ALK: variants seen among roughly 807,000 people sequenced by gnomAD.
ALK encodes the protein ALK tyrosine kinase receptor.
ALK carries 74 observed loss-of-function variants against 163.1 expected under a neutral mutation model. The ratio of observed to expected loss-of-function variants is 0.45; its 90% confidence interval spans 0.38 to 0.55. The LOEUF (loss-of-function observed/expected upper bound fraction) is 0.55, where lower values mean the gene tolerates loss of function less well. Ranked by LOEUF, ALK falls within the 20% of genes least tolerant of loss-of-function variation. The pLI is 0.00. For synonymous variants in ALK, 960 were observed against 843.2 expected, an observed-to-expected ratio of 1.14 and a Z score of -2.40; for missense variants, 2,063 against 2,105.3, an observed-to-expected ratio of 0.98 and a Z score of 0.39.
intron 1 of ALK, among the ~76,000 whole-genome samples, chr2:29,896,442 G>C (rs1438351200): frequency 6.6e-6 from 1 of 152,060 alleles, no homozygotes. Context: ...GGTTAAATGA[G>C]GTCAATAAGG....
rs1360526039 is a variant in ALK, at chr2:29,256,806, G to A, written c.2042-5539C>T. Among the ~76,000 whole-genome samples the A allele has an allele frequency of 2.6e-5, 4 of 152,144 alleles. No homozygotes were observed. The East Asian group carries it at 7.7e-4, about 29-fold the overall frequency. ...GGCCCCCGCAGTCGCTTAGCCTAGT[G>A]GAGCATGGGCTGTGCAGGATCAAAG... On this transcript the variant is annotated intron_variant, in intron 11 of 28. Transcript: ENST00000389048.
chr2:29,827,314 G>A (rs1665230091), intron 1 of ALK, among the ~76,000 whole-genome samples: 1 of 152,122 alleles, frequency 6.6e-6, no homozygotes, highest in Admixed American at 6.5e-5. Flanking sequence ...TCTAATTTGT[G>A]GCCCACTGTC....
At chr2:29,366,457 T>C (rs988386965) in intron 5 of ALK, among the ~76,000 whole-genome samples, 19 of 151,748 alleles carry the variant, frequency 1.3e-4, no homozygotes, top group African/African-American at 4.4e-4. Flanking sequence ...CAGAGAAGCA[T>C]AGGAGAGCTT....
intron 5 of ALK, among the ~76,000 whole-genome samples, chr2:29,380,883 AG>A (rs369333800): frequency 9.7e-4 from 148 of 152,320 alleles, no homozygotes; most frequent in African/African-American, 3.5e-3. Flanking sequence ...TTTGGTGGGA[AG>A]GGGAAGACAC....
intron 4 of ALK, among the ~76,000 whole-genome samples, chr2:29,504,818 C>T (rs758605427): frequency 2.0e-5 from 3 of 152,138 alleles, no homozygotes; most frequent in Non-Finnish European, 4.4e-5. Flanking sequence ...TTAGGTTGGT[C>T]CAAATGTTAT....
intron 1 of ALK, among the ~76,000 whole-genome samples, chr2:29,766,326 G>T (rs1196358817): frequency 6.6e-6 from 1 of 152,152 alleles, no homozygotes; most frequent in African/African-American, 2.4e-5. Flanking sequence ...CCTTCAGGCT[G>T]CTTAGGATCT....
chr2:29,909,660 C>T (rs896750509), intron 1 of ALK, among the ~76,000 whole-genome samples: 1 of 152,198 alleles, frequency 6.6e-6, no homozygotes, highest in African/African-American at 2.4e-5. Context: ...GTAAGCCAAA[C>T]AATTTCTACA....
chr2:29,590,983 A>C (rs12998434), intron 3 of ALK, among the ~76,000 whole-genome samples: 56,821 of 147,850 alleles, frequency 0.38, 12,274 homozygotes, highest in East Asian at 0.53. Context: ...AGGCAGGAGA[A>C]TGGCATGAAC....
chr2:29,809,202 C>T (rs979706372), intron 1 of ALK, among the ~76,000 whole-genome samples: 2 of 152,232 alleles, frequency 1.3e-5, no homozygotes, highest in African/African-American at 4.8e-5. Flanking sequence ...CACACAAGTA[C>T]ATTTCCATTT....
intron 3 of ALK, among the ~76,000 whole-genome samples, chr2:29,536,365 T>TTC (rs1410671895): frequency 3.3e-5 from 5 of 152,038 alleles, no homozygotes; most frequent in African/African-American, 1.2e-4. Context: ...CTCCCCTCCT[T>TTC]TCTCTCTCGC....
intron 12 of ALK, among the ~76,000 whole-genome samples, chr2:29,250,614 G>C (rs1230882976): frequency 6.6e-6 from 1 of 152,174 alleles, no homozygotes; most frequent in East Asian, 1.9e-4. Flanking sequence ...TCTGCTCTAA[G>C]GGAATACTGG....
At chr2:29,857,975 A>T (rs1666186658) in intron 1 of ALK, among the ~76,000 whole-genome samples, 2 of 152,216 alleles carry the variant, frequency 1.3e-5, no homozygotes, top group African/African-American at 4.8e-5. Flanking sequence ...CAATAGCATA[A>T]CCAGGATACT....
At chr2:29,670,202 T>C (rs944168590) in intron 3 of ALK, among the ~76,000 whole-genome samples, 1 of 152,128 alleles carries the variant, frequency 6.6e-6, no homozygotes, top group Admixed American at 6.6e-5. Flanking sequence ...AAGAAGAGTA[T>C]GGTGGTCATG....
intron 1 of ALK, among the ~76,000 whole-genome samples, chr2:29,909,752 C>T (rs574617485): frequency 3.8e-4 from 58 of 152,118 alleles, no homozygotes; most frequent in African/African-American, 1.3e-3. Context: ...TTTGAATACC[C>T]GAGGCATGTG....
At chr2:29,848,442 C>T (rs534629714) in intron 1 of ALK, among the ~76,000 whole-genome samples, 1 of 151,664 alleles carries the variant, frequency 6.6e-6, no homozygotes. Context: ...TATGTGCTTT[C>T]TAACCATACC....
intron 3 of ALK, among the ~76,000 whole-genome samples, chr2:29,591,340 T>C (rs1487766425): frequency 1.1e-4 from 16 of 152,192 alleles, no homozygotes. Flanking sequence ...GATTTAAAGC[T>C]GCTCTTGAAT....
At chr2:29,771,098 C>A (rs1489538371) in intron 1 of ALK, among the ~76,000 whole-genome samples, 1 of 151,936 alleles carries the variant, frequency 6.6e-6, no homozygotes, top group East Asian at 1.9e-4. Context: ...CAGAAAAATA[C>A]ACACGTACAC....
chr2:29,908,491 T>G (rs895037302), intron 1 of ALK, among the ~76,000 whole-genome samples: 2 of 152,230 alleles, frequency 1.3e-5, no homozygotes, highest in Admixed American at 1.3e-4. Flanking sequence ...ATTCTCAAAT[T>G]ACCTCCTTCT....
At chr2:29,283,375 A>G (rs901869722) in intron 9 of ALK, among the ~76,000 whole-genome samples, 7 of 152,140 alleles carry the variant, frequency 4.6e-5, no homozygotes, top group African/African-American at 1.2e-4. Flanking sequence ...CCCGCCATCC[A>G]TTCTTCTTGG....
Sources: allele counts gnomAD v4.1 joint callset (sites outside exome capture counted in the v4.1 genomes callset), GRCh38; gene constraint gnomAD v4.1.1; transcripts MANE v1.5; gene names NCBI Gene and HGNC (gene_info 2026-07-23, HGNC 2026-07-21).